Variants in SPIRE1 observed in about 807,000 individuals in gnomAD.
The protein encoded by SPIRE1 is spire type actin nucleation factor 1, also known as protein spire homolog 1.
In SPIRE1, 40 loss-of-function variants were observed where a neutral mutation model predicts 94.1. The observed-to-expected ratio is 0.43, with a 90% CI of 0.33 to 0.55. The LOEUF is 0.55. Ranked by LOEUF, SPIRE1 falls within the 20% of genes least tolerant of loss-of-function variation. The probability of loss-of-function intolerance (pLI) is 0.06; values close to 1 mark genes in which losing one functional copy is unlikely to be tolerated. For synonymous variants in SPIRE1, 376 were observed against 371.7 expected (o/e 1.01, Z -0.13); for missense variants, 838 against 975.2 (o/e 0.86, Z 1.87).
intron 4 of SPIRE1, among the ~76,000 whole-genome samples, chr18:12,531,239 C>A (rs1355571000): frequency 6.6e-6 from 1 of 152,072 alleles, no homozygotes; most frequent in Non-Finnish European, 1.5e-5. Flanking sequence ...TGGTACCCCC[C>A]CATCCCATTT....
intron 2 of SPIRE1, among the ~76,000 whole-genome samples, chr18:12,549,572 C>T (rs1011475978): frequency 4.7e-5 from 7 of 150,242 alleles, no homozygotes; most frequent in African/African-American, 1.7e-4. Flanking sequence ...CTGCCTCAGC[C>T]TCTTGAGTAG....
chr18:12,511,591 T>A (rs1469327255), intron 5 of SPIRE1, among the ~76,000 whole-genome samples: 3 of 152,200 alleles, frequency 2.0e-5, no homozygotes, highest in Non-Finnish European at 4.4e-5. Context: ...ACACTACAAT[T>A]CTCAGAGACA....
At chr18:12,654,667 A>T (rs1393774737) in intron 1 of SPIRE1, among the ~76,000 whole-genome samples, 2 of 152,082 alleles carry the variant, frequency 1.3e-5, no homozygotes, top group African/African-American at 4.8e-5. Flanking sequence ...AAAAAAAAAA[A>T]TTATTTTTAC....
chr18:12,619,754 G>C (rs2037412891), intron 2 of SPIRE1, among the ~76,000 whole-genome samples: 1 of 150,348 alleles, frequency 6.7e-6, no homozygotes, highest in South Asian at 2.1e-4. Context: ...GCTGAGGCAG[G>C]AGAATCTCTT....
At chr18:12,554,945 A>T (rs1011948488) in intron 2 of SPIRE1, among the ~76,000 whole-genome samples, 5 of 152,174 alleles carry the variant, frequency 3.3e-5, no homozygotes, top group Non-Finnish European at 7.3e-5. Flanking sequence ...AGTATGAAGG[A>T]GCTGAAACTT....
At chr18:12,609,446 G>C (rs757692790) in intron 2 of SPIRE1, among the ~76,000 whole-genome samples, 4 of 152,080 alleles carry the variant, frequency 2.6e-5, no homozygotes, top group Non-Finnish European at 5.9e-5. Context: ...GGTTTTTTGA[G>C]AGCCAGTTTA....
intron 4 of SPIRE1, among the ~76,000 whole-genome samples, chr18:12,524,656 G>C (rs962442684): frequency 6.6e-6 from 1 of 152,114 alleles, no homozygotes; most frequent in Non-Finnish European, 1.5e-5. Flanking sequence ...ACCGTGCCTG[G>C]TGAATTGTGC....
At position 12,449,590 on chromosome 18, in the gene SPIRE1, C is replaced by T. The variant is rs186290036; in HGVS notation, c.*48G>A. 1,133 of 1,582,754 alleles carry T rather than the reference C, an allele frequency of 7.2e-4. 1 individual carries two copies. Among genetic ancestry groups the T allele is most frequent in the Middle Eastern group, 4.3e-3 (21 of 4,910 alleles). The stretch of plus-strand genomic sequence containing the variant: ...GAGCCAGCCCGGCTCAGTGTCCTCG[C>T]GCACGGACGCTGACTCGTAGCACAA... On this transcript the variant is annotated 3_prime_UTR_variant, in exon 17 of 17. Coordinates refer to ENST00000409402, the MANE Select transcript of SPIRE1 (RefSeq NM_001128626.2).
Position 12,635,887 on chromosome 18 carries a change from T to G in SPIRE1, c.338-791A>C, listed in dbSNP as rs138412587. On this transcript the variant is annotated intron_variant, in intron 1 of 16. Coordinates refer to ENST00000409402, the MANE Select transcript of SPIRE1 (RefSeq NM_001128626.2). ...GTACTAGAAAATTGGGTTTTTTTGGTTTTTTTTGTTTTTTTTTTTGAGAAG... is the reference window on the plus strand; with the variant it reads ...GTACTAGAAAATTGGGTTTTTTTGGGTTTTTTTGTTTTTTTTTTTGAGAAG... 2.1e-3 allele frequency among the ~76,000 whole-genome samples: 315 copies of G among 150,498 alleles called. 1 individual carries two copies. The highest frequency in any genetic ancestry group is 7.0e-3 in the East Asian group (36 of 5,164).
At chr18:12,566,357 G>T (rs538710101) in intron 2 of SPIRE1, among the ~76,000 whole-genome samples, 1 of 152,056 alleles carries the variant, frequency 6.6e-6, no homozygotes, top group Non-Finnish European at 1.5e-5. Flanking sequence ...AAATTAAAAA[G>T]AAGTTATTTA....
chr18:12,644,224 G>T (rs1273461214), intron 1 of SPIRE1, among the ~76,000 whole-genome samples: 1 of 146,850 alleles, frequency 6.8e-6, no homozygotes, highest in Non-Finnish European at 1.5e-5. Flanking sequence ...AAAGGTCAGG[G>T]TTAGGGGGCA....
At chr18:12,515,711 C>T (rs1051067500) in intron 4 of SPIRE1, among the ~76,000 whole-genome samples, 9 of 152,154 alleles carry the variant, frequency 5.9e-5, no homozygotes, top group African/African-American at 1.7e-4. Flanking sequence ...AAGGAAGCTG[C>T]TTTGTCAAAG....
At chr18:12,465,543 T>C (rs577144055) in intron 10 of SPIRE1, among the ~76,000 whole-genome samples, 81 of 152,266 alleles carry the variant, frequency 5.3e-4, no homozygotes, top group African/African-American at 1.8e-3. Context: ...TGAAATGAGG[T>C]AATGCATTCA....
chr18:12,482,939 C>CTTTTTTT, intron 9 of SPIRE1, among the ~76,000 whole-genome samples: 1 of 128,880 alleles, frequency 7.8e-6, no homozygotes, highest in African/African-American at 3.0e-5. Flanking sequence ...CTTAATTGCA[C>CTTTTTTT]TTTTTTTTTT....
intron 2 of SPIRE1, among the ~76,000 whole-genome samples, chr18:12,574,245 A>T (rs1893193): frequency 0.45 from 68,268 of 151,930 alleles, 16,684 homozygotes; most frequent in East Asian, 0.6. Context: ...ATTAATTTTT[A>T]AAAAAATAGA....
intron 11 of SPIRE1, 102 bp downstream of exon 11, chr18:12,464,766 C>G: frequency 1.1e-6 from 1 of 873,184 alleles, no homozygotes; most frequent in Non-Finnish European, 1.8e-6. Flanking sequence ...TTAGTTCTTT[C>G]TACCCTAGAT....
At chr18:12,622,261 TGA>T (rs761447928) in intron 2 of SPIRE1, among the ~76,000 whole-genome samples, 82 of 152,194 alleles carry the variant, frequency 5.4e-4, no homozygotes, top group Non-Finnish European at 8.5e-4. Flanking sequence ...GATGAAATAA[TGA>T]GTGTATAAAA....
rs1248314448 is a variant in SPIRE1, at chr18:12,583,446, A to G, written c.373-36542T>C. 3.9e-5 allele frequency among the ~76,000 whole-genome samples: 6 copies of G among 152,288 alleles called. No individual in the cohort carries two copies. The East Asian group carries it at 9.7e-4, about 25-fold the overall frequency. The stretch of plus-strand genomic sequence containing the variant: ...GTGAAACCTCATCTCTACTAAAAAT[A>G]CAAAAATTAGCTGGGCATGGTGGCA... On this transcript the variant is annotated intron_variant, in intron 2 of 16. Transcript: ENST00000409402.
At chr18:12,658,791 G>C (rs2038635092), upstream of SPIRE1, 5 of 315,784 alleles carry the variant, frequency 1.6e-5, no homozygotes, top group Non-Finnish European at 2.6e-5. Context: ...CCGTAAAGAC[G>C]GGGATCTTTA....
Sources: gnomAD v4.1 joint callset for allele counts (sites outside exome capture counted in the v4.1 genomes callset) on GRCh38, gnomAD v4.1.1 for gene constraint, MANE v1.5 for transcripts, NCBI Gene and HGNC (gene_info 2026-07-23, HGNC 2026-07-21) for gene names.